Variants in WDR44 observed in about 807,000 individuals in gnomAD.
WDR44 encodes WD repeat domain 44.
A neutral mutation model predicts 65.7 loss-of-function variants in WDR44; 9 were observed. That is an observed-to-expected ratio of 0.14 (90% CI 0.08 to 0.24). The LOEUF is 0.24. Among genes scored for constraint, WDR44 ranks in the 10% least tolerant of loss-of-function variants. WDR44 has a pLI of 1.00. For synonymous variants in WDR44, 220 were observed against 235.2 expected (o/e 0.94, Z 0.59); for missense variants, 425 against 670.9 (o/e 0.63, Z 4.05).
At chrX:118,356,111 C>G (rs1194773327) in intron 1 of WDR44, among the ~76,000 whole-genome samples, 1 of 111,944 alleles carries the variant, frequency 8.9e-6, no homozygotes, top group Non-Finnish European at 1.9e-5. Context: ...TGCTAACTAA[C>G]GGTGGGCATT....
chrX:118,369,626 G>GC (rs1569359763), intron 1 of WDR44, among the ~76,000 whole-genome samples: 3 of 106,032 alleles, frequency 2.8e-5, no homozygotes, highest in South Asian at 4.3e-4. Flanking sequence ...CCACCACCAC[G>GC]CCTGACTAAT....
chrX:118,346,956 A>G (rs947266702), intron 1 of WDR44, among the ~76,000 whole-genome samples: 8 of 111,796 alleles, frequency 7.2e-5, no homozygotes, highest in Admixed American at 6.6e-4. Flanking sequence ...ACCGTAGATT[A>G]AAGGAGCAGT....
intron 14 of WDR44, 67 bp downstream of exon 14, chrX:118,436,891 A>G: frequency 9.7e-7 from 1 of 1,026,253 alleles, no homozygotes; most frequent in African/African-American, 1.9e-5. Flanking sequence ...ATTTCTCTAG[A>G]GGGCAATTGG....
chrX:118,445,174 A>T (rs2057336172), intron 19 of WDR44: 2 of 224,772 alleles, frequency 8.9e-6, no homozygotes, highest in Admixed American at 1.2e-4. Context: ...GGGTGCCTGT[A>T]ATCCTAGCTA....
chrX:118,414,292 G>T (rs868538326), intron 12 of WDR44, among the ~76,000 whole-genome samples: 51 of 72,034 alleles, frequency 7.1e-4, no homozygotes, highest in African/African-American at 1.4e-3. Flanking sequence ...CCATGGTTTT[G>T]TGTTTTTTTT....
chrX:118,346,729 G>A, intron 1 of WDR44, 149 bp downstream of exon 1: 2 of 438,486 alleles, frequency 4.6e-6, no homozygotes, highest in South Asian at 1.0e-4. Context: ...CCAGACCTGG[G>A]GCTTCTTAGG....
intron 2 of WDR44, among the ~76,000 whole-genome samples, chrX:118,379,340 G>A (rs2056694049): frequency 9.0e-6 from 1 of 110,959 alleles, no homozygotes. Flanking sequence ...CCGACCTTCT[G>A]TTTATACACA....
chrX:118,378,911 G>T (rs1289876140), intron 2 of WDR44, among the ~76,000 whole-genome samples: 1 of 108,000 alleles, frequency 9.3e-6, no homozygotes, highest in Non-Finnish European at 1.9e-5. Context: ...AGGTGTGGTG[G>T]CGCAGACCTG....
At chrX:118,386,235 T>C (rs912668652) in intron 2 of WDR44, among the ~76,000 whole-genome samples, 1 of 111,367 alleles carries the variant, frequency 9.0e-6, no homozygotes, top group Non-Finnish European at 1.9e-5. Context: ...CAAAGAATTA[T>C]GGTTTTTTTT....
At chrX:118,434,354 C>T (rs984787517) in intron 13 of WDR44, among the ~76,000 whole-genome samples, 1 of 111,096 alleles carries the variant, frequency 9.0e-6, no homozygotes, top group Non-Finnish European at 1.9e-5. Context: ...AGTGCAGAAA[C>T]CAAGAGTAAA....
intron 12 of WDR44, among the ~76,000 whole-genome samples, chrX:118,424,349 G>GTATATA (rs1181331001): frequency 1.8e-5 from 1 of 56,213 alleles, no homozygotes; most frequent in African/African-American, 1.6e-4. Context: ...ATATATATAT[G>GTATATA]TATATATATA....
At chrX:118,448,560 C>T (rs1016550889) in intron 19 of WDR44, among the ~76,000 whole-genome samples, 2 of 111,840 alleles carry the variant, frequency 1.8e-5, no homozygotes, top group African/African-American at 6.5e-5. Flanking sequence ...GGCTGAATGA[C>T]ACACTAGCTT....
intron 2 of WDR44, among the ~76,000 whole-genome samples, chrX:118,378,885 C>A (rs868462571): frequency 1.1e-5 from 1 of 92,873 alleles, no homozygotes. Flanking sequence ...AAAAAAAAAA[C>A]ACACAAAAAT....
chrX:118,436,213 T>C (rs1297469868), intron 13 of WDR44, among the ~76,000 whole-genome samples: 1 of 112,208 alleles, frequency 8.9e-6, no homozygotes, highest in Non-Finnish European at 1.9e-5. Flanking sequence ...GTGTGACAGG[T>C]GCACAATAAC....
chrX:118,442,379 C>G (rs1305482000), intron 16 of WDR44, 34 bp downstream of exon 16: 2 of 1,078,290 alleles, frequency 1.9e-6, no homozygotes, highest in Non-Finnish European at 2.6e-6. Flanking sequence ...TCTCTCCATA[C>G]TATATGTAGA....
intron 1 of WDR44, among the ~76,000 whole-genome samples, chrX:118,377,131 G>C (rs1408699605): frequency 1.8e-5 from 2 of 111,574 alleles, no homozygotes; most frequent in African/African-American, 6.5e-5. Flanking sequence ...ACTGAAATGG[G>C]AGGATTGCTT....
At chrX:118,362,658 A>G (rs979357121) in intron 1 of WDR44, among the ~76,000 whole-genome samples, 1 of 110,415 alleles carries the variant, frequency 9.1e-6, no homozygotes, top group Non-Finnish European at 1.9e-5. Flanking sequence ...CCATTCAGTG[A>G]ACACTATTAA....
At chrX:118,435,502 C>T (rs2057247707) in intron 13 of WDR44, among the ~76,000 whole-genome samples, 1 of 111,563 alleles carries the variant, frequency 9.0e-6, no homozygotes, top group African/African-American at 3.3e-5. Context: ...AGACTGATCT[C>T]GAACTCCTGA....
intron 1 of WDR44, among the ~76,000 whole-genome samples, chrX:118,364,797 G>C (rs2056539787): frequency 8.9e-6 from 1 of 112,180 alleles, no homozygotes; most frequent in Non-Finnish European, 1.9e-5. Context: ...ACTTTATCAG[G>C]GAAGCAGCTC....
Sources: allele counts gnomAD v4.1 joint callset (sites outside exome capture counted in the v4.1 genomes callset), GRCh38; gene constraint gnomAD v4.1.1; transcripts MANE v1.5; gene names NCBI Gene and HGNC (gene_info 2026-07-23, HGNC 2026-07-21).